NFKB1: variants seen among roughly 807,000 people sequenced by gnomAD.
NFKB1 encodes the protein nuclear factor kappa B subunit 1.
A neutral mutation model predicts 105.1 loss-of-function variants in NFKB1; 9 were observed. The observed-to-expected ratio is 0.09, with a 90% confidence interval of 0.05 to 0.15. The LOEUF is 0.15. Ranked by LOEUF, NFKB1 falls within the 10% of genes least tolerant of loss-of-function variation. The probability of loss-of-function intolerance (pLI) is 1.00; values close to 1 mark genes in which losing one functional copy is unlikely to be tolerated. For synonymous variants in NFKB1, 440 were observed against 442.2 expected, an observed-to-expected ratio of 1.00 and a Z score of 0.06; for missense variants, 830 against 1,203.7, an observed-to-expected ratio of 0.69 and a Z score of 4.59.
chr4:102,607,083 G>T, intron 17 of NFKB1, 67 bp from the exon 18 acceptor site: 2 of 1,532,320 alleles, frequency 1.3e-6, no homozygotes, highest in Non-Finnish European at 1.8e-6. Context: ...ATTTCCTTCA[G>T]CTTCACAAGG....
intron 11 of NFKB1, among the ~76,000 whole-genome samples, chr4:102,589,461 T>A (rs1268744848): frequency 6.6e-6 from 1 of 152,164 alleles, no homozygotes; most frequent in African/African-American, 2.4e-5. Context: ...TTCTCAAAAT[T>A]TGGCAACCTT....
intron 8 of NFKB1, 23 bp downstream of exon 8, chr4:102,579,062 G>C: frequency 6.2e-7 from 1 of 1,604,712 alleles, no homozygotes; most frequent in Non-Finnish European, 8.5e-7. Flanking sequence ...CTTCCAACAG[G>C]GGGCACACCA....
chr4:102,607,255 G>A lies in NFKB1; in HGVS notation c.2060G>A (p.Arg687His), dbSNP rs148097278. 5.6e-6 allele frequency: 9 copies of A among 1,614,230 alleles called. No homozygotes were observed. The highest frequency in any genetic ancestry group is 1.6e-4 in the Middle Eastern group (1 of 6,062). The change falls in exon 18 of 24, where the codon CGC (arginine) becomes CAC (histidine). Residue 687 changes from arginine to histidine, a missense_variant. Arg to His is a conservative substitution (Grantham distance 29). Transcript: ENST00000226574. ...DVNAQEQKSG[R>H]TALHLAVEHD... Reference sequence around the variant, plus strand: ...AATGCTCAGGAGCAGAAGTCCGGGCGCACAGCACTGCACCTGGCTGTGGAG... The same window carrying A: ...AATGCTCAGGAGCAGAAGTCCGGGCACACAGCACTGCACCTGGCTGTGGAG...
At chr4:102,609,298 C>G (rs752792282) in intron 19 of NFKB1, among the ~76,000 whole-genome samples, 2 of 151,948 alleles carry the variant, frequency 1.3e-5, no homozygotes, top group African/African-American at 4.8e-5. Context: ...AAACCAAGTC[C>G]TAATCTTAAT....
chr4:102,590,779 A>C (rs1726106315), intron 11 of NFKB1, among the ~76,000 whole-genome samples: 1 of 152,208 alleles, frequency 6.6e-6, no homozygotes, highest in Non-Finnish European at 1.5e-5. Flanking sequence ...CCAAGTGTTC[A>C]AGTGAAAGGA....
At chr4:102,548,412 G>C (rs913090152) in intron 5 of NFKB1, among the ~76,000 whole-genome samples, 1 of 152,096 alleles carries the variant, frequency 6.6e-6, no homozygotes, top group African/African-American at 2.4e-5. Context: ...CAGATATCTA[G>C]ATTGGCCACA....
Position 102,537,929 on chromosome 4 carries a change from G to C in NFKB1, c.231G>C (p.Lys77Asn). The C allele has an allele frequency of 1.2e-6, 2 of 1,611,264 alleles. No homozygotes were observed. Residue 77 changes from lysine (K) to asparagine (N), a missense_variant, in exon 5 of 24, where the codon AAG (lysine) becomes AAC (asparagine). Coordinates refer to ENST00000226574, the MANE Select transcript of NFKB1 (RefSeq NM_003998.4). ...GACTACCTGGTGCCTCTAGTGAAAA[G>C]AACAAGAAGTCTTACCCTCAGGTCA... is the stretch of plus-strand genomic sequence containing the variant. Reference protein sequence around the residue: ...HGGLPGASSEKNKKSYPQVKI... With the variant: ...HGGLPGASSENNKKSYPQVKI...
chr4:102,599,684 C>T (rs1726964993), intron 15 of NFKB1, among the ~76,000 whole-genome samples: 1 of 152,144 alleles, frequency 6.6e-6, no homozygotes, highest in African/African-American at 2.4e-5. Flanking sequence ...AGCTTCACCA[C>T]GTATTGGCCT....
chr4:102,569,450 A>G (rs1006451787), intron 6 of NFKB1, among the ~76,000 whole-genome samples: 2 of 152,164 alleles, frequency 1.3e-5, no homozygotes, highest in African/African-American at 4.8e-5. Context: ...ATGGTATGAC[A>G]TTGATTATTA....
chr4:102,572,503 A>G (rs748523109), intron 6 of NFKB1, among the ~76,000 whole-genome samples: 48 of 152,194 alleles, frequency 3.2e-4, no homozygotes, highest in Middle Eastern at 3.2e-3. Context: ...TACAAGGGCA[A>G]AAATAAAACA....
At chr4:102,596,578 A>T (rs1396149917) in intron 14 of NFKB1, among the ~76,000 whole-genome samples, 1 of 152,162 alleles carries the variant, frequency 6.6e-6, no homozygotes, top group African/African-American at 2.4e-5. Context: ...AGTCATAATC[A>T]TGCAGTTTTA....
At position 102,505,494 on chromosome 4, in the gene NFKB1, A is replaced by G. The variant is rs565349586; in HGVS notation, c.-8+3706A>G. Among the ~76,000 whole-genome samples the G allele has an allele frequency of 9.2e-5, 14 of 152,314 alleles. No individual in the cohort carries two copies. The East Asian group carries it at 2.1e-3, about 23-fold the overall frequency. On this transcript the variant is annotated intron_variant, in intron 1 of 23. Coordinates refer to ENST00000226574, the MANE Select transcript of NFKB1 (RefSeq NM_003998.4). ...GAATAATGATATATTTGGTTTAATTATCCATTACAAATTGCCTTATTATTT... is the reference window on the plus strand; with the variant it reads ...GAATAATGATATATTTGGTTTAATTGTCCATTACAAATTGCCTTATTATTT...
At chr4:102,580,675 G>A in intron 9 of NFKB1, 36 bp downstream of exon 9, 1 of 1,527,454 alleles carries the variant, frequency 6.5e-7, no homozygotes, top group Non-Finnish European at 9.1e-7. Context: ...CTCAAGAGGT[G>A]TGATCTTGAC....
chr4:102,586,992 T>C (rs1440986667), intron 11 of NFKB1, among the ~76,000 whole-genome samples: 1 of 152,230 alleles, frequency 6.6e-6, no homozygotes, highest in East Asian at 1.9e-4. Flanking sequence ...GGCCTCTCCA[T>C]TGTTTGGTCA....
intron 7 of NFKB1, chr4:102,577,773 G>A (rs1474755801): frequency 1.6e-5 from 16 of 979,092 alleles, no homozygotes; most frequent in Non-Finnish European, 1.9e-5. Flanking sequence ...TGTGCTGCGA[G>A]GCTGTGGTCC....
chr4:102,596,331 G>C lies in NFKB1; in HGVS notation c.1494G>C (p.Gln498His), dbSNP rs751909408. ...TGTKEESAGV[Q>H]DNLFLEKAMQ... Reference sequence around the variant, plus strand: ...CAAAAGAAGAGAGTGCTGGAGTTCAGGGTAAGTGAGCACACAAATTACGTT... The same window carrying C: ...CAAAAGAAGAGAGTGCTGGAGTTCACGGTAAGTGAGCACACAAATTACGTT... The change falls in exon 14 of 24, where the codon CAG (glutamine) becomes CAC (histidine). Residue 498 changes from glutamine (Q) to histidine (H), a missense_variant and splice_region_variant. Coordinates refer to ENST00000226574, the MANE Select transcript of NFKB1 (RefSeq NM_003998.4). The C allele has an allele frequency of 5.0e-6, 8 of 1,598,984 alleles. No homozygotes were observed. The highest frequency in any genetic ancestry group is 3.4e-5 in the Admixed American group (2 of 58,740).
chr4:102,591,468 C>A (rs1726170380), intron 11 of NFKB1, among the ~76,000 whole-genome samples: 1 of 151,228 alleles, frequency 6.6e-6, no homozygotes, highest in Admixed American at 6.6e-5. Flanking sequence ...GTTAATGCAG[C>A]TGGTGACTTT....
At chr4:102,555,832 G>A (rs947411349) in intron 5 of NFKB1, among the ~76,000 whole-genome samples, 1 of 152,148 alleles carries the variant, frequency 6.6e-6, no homozygotes, top group African/African-American at 2.4e-5. Flanking sequence ...AAATGGGTAA[G>A]CTATAGAAAT....
chr4:102,605,577 T>C (rs1727641920), intron 16 of NFKB1, among the ~76,000 whole-genome samples: 1 of 152,254 alleles, frequency 6.6e-6, no homozygotes, highest in Admixed American at 6.5e-5. Context: ...ACGTTTGTGA[T>C]TGTATTTGTC....
Sources: allele counts gnomAD v4.1 joint callset (sites outside exome capture counted in the v4.1 genomes callset), GRCh38; gene constraint gnomAD v4.1.1; transcripts MANE v1.5; gene names NCBI Gene and HGNC (gene_info 2026-07-23, HGNC 2026-07-21).